GSK3B: variants seen among roughly 807,000 people sequenced by gnomAD.
GSK3B encodes glycogen synthase kinase 3 beta, also known as glycogen synthase kinase-3 beta.
GSK3B carries 15 observed loss-of-function variants against 56.4 expected under a neutral mutation model. That is an observed-to-expected ratio of 0.27 (90% CI 0.18 to 0.41). The LOEUF is 0.41. Ranked by LOEUF, GSK3B falls within the 10% of genes least tolerant of loss-of-function variation. GSK3B has a pLI of 1.00. For synonymous variants in GSK3B, 181 were observed against 188.9 expected (o/e 0.96, Z 0.34); for missense variants, 300 against 513.4 (o/e 0.58, Z 4.02).
At chr3:119,980,191 T>C (rs1222091347) in intron 2 of GSK3B, among the ~76,000 whole-genome samples, 1 of 152,200 alleles carries the variant, frequency 6.6e-6, no homozygotes, top group African/African-American at 2.4e-5. Flanking sequence ...ATCTTACTGG[T>C]ACACTAAAGT....
At chr3:119,896,591 C>A (rs1357294288) in intron 7 of GSK3B, among the ~76,000 whole-genome samples, 1 of 152,076 alleles carries the variant, frequency 6.6e-6, no homozygotes, top group Non-Finnish European at 1.5e-5. Flanking sequence ...TATGAAATAG[C>A]ATTCAGTATA....
intron 1 of GSK3B, among the ~76,000 whole-genome samples, chr3:120,083,336 C>A (rs1331335450): frequency 6.6e-6 from 1 of 151,904 alleles, no homozygotes; most frequent in Non-Finnish European, 1.5e-5. Flanking sequence ...AGCTGTACAA[C>A]GGGGCCTGGA....
At chr3:119,932,787 C>T (rs1357947027) in intron 3 of GSK3B, among the ~76,000 whole-genome samples, 2 of 151,990 alleles carry the variant, frequency 1.3e-5, no homozygotes, top group African/African-American at 4.8e-5. Context: ...TGGAAGTCAA[C>T]AAGAAAAAAC....
chr3:119,827,856 T>C (rs2055539245), intron 10 of GSK3B, among the ~76,000 whole-genome samples: 1 of 130,888 alleles, frequency 7.6e-6, no homozygotes, highest in Non-Finnish European at 1.6e-5. Context: ...GAAGTGGGGA[T>C]GGTTAATGGG....
intron 4 of GSK3B, among the ~76,000 whole-genome samples, chr3:119,917,751 C>T (rs765602948): frequency 1.1e-4 from 17 of 150,868 alleles, no homozygotes; most frequent in Non-Finnish European, 2.4e-4. Context: ...GAAAGATCTA[C>T]TCTATCTTCA....
At chr3:120,043,939 T>C (rs1357359071) in intron 1 of GSK3B, among the ~76,000 whole-genome samples, 1 of 152,192 alleles carries the variant, frequency 6.6e-6, no homozygotes. Flanking sequence ...AGGCAAACTC[T>C]AGCAATTAAA....
At chr3:119,915,165 T>C (rs889131758) in intron 5 of GSK3B, among the ~76,000 whole-genome samples, 1 of 152,008 alleles carries the variant, frequency 6.6e-6, no homozygotes, top group African/African-American at 2.4e-5. Context: ...CACAGTATAT[T>C]ACCAAGAAAT....
intron 8 of GSK3B, chr3:119,866,476 A>G: frequency 2.6e-6 from 2 of 757,904 alleles, no homozygotes; most frequent in South Asian, 1.5e-5. Context: ...AGCTACTTAC[A>G]TTGTTTACTA....
At chr3:119,857,313 C>T (rs1227821695) in intron 9 of GSK3B, among the ~76,000 whole-genome samples, 1 of 152,168 alleles carries the variant, frequency 6.6e-6, no homozygotes, top group Admixed American at 6.5e-5. Flanking sequence ...TAGCATTTTA[C>T]CCTGGTAGAA....
intron 1 of GSK3B, among the ~76,000 whole-genome samples, chr3:120,063,215 G>A (rs2058251884): frequency 6.6e-6 from 1 of 152,122 alleles, no homozygotes; most frequent in Admixed American, 6.5e-5. Context: ...TATGAATAGA[G>A]GAAAAGTGGG....
In GSK3B at chr3:120,000,918, C is replaced by CTTTTTTTTTTTTT. The variant is rs71156781; in HGVS notation, c.282+1115_282+1127dup. The stretch of plus-strand genomic sequence containing the variant: ...AAACCTCATGTTGAAATGTAATCTC[C>CTTTTTTTTTTTTT]TTTTTTTTTTTTTTTTTTTTTTTTG... On this transcript the variant is annotated intron_variant, in intron 2 of 10. Coordinates refer to ENST00000264235, the MANE Select transcript of GSK3B (RefSeq NM_001146156.2). Among the ~76,000 whole-genome samples the CTTTTTTTTTTTTT allele has an allele frequency of 2.9e-4, 26 of 91,050 alleles. 3 individuals are homozygous for CTTTTTTTTTTTTT. Among genetic ancestry groups the CTTTTTTTTTTTTT allele is most frequent in the African/African-American group, 1.1e-3 (25 of 23,304 alleles). 59.7% of individuals were successfully genotyped at this position (91,050 alleles called of 152,430 possible). A position where few individuals can be genotyped will look rare whatever the true frequency, so the allele number is the denominator to read the frequency against.
intron 5 of GSK3B, among the ~76,000 whole-genome samples, chr3:119,913,087 C>T (rs2056751172): frequency 6.6e-6 from 1 of 152,134 alleles, no homozygotes; most frequent in Non-Finnish European, 1.5e-5. Flanking sequence ...TGAATTTCTT[C>T]TGATCCTCTG....
Position 120,094,078 on chromosome 3 carries a change from C to T in GSK3B, c.-644G>A, listed in dbSNP as rs1475290376. 3 of 228,596 alleles carry T rather than the reference C, an allele frequency of 1.3e-5. No individual in the cohort carries two copies. The highest frequency in any genetic ancestry group is 2.6e-5 in the Non-Finnish European group (3 of 115,064). 14.2% of individuals were successfully genotyped at this position (228,596 alleles called of 1,614,324 possible). A position where few individuals can be genotyped will look rare whatever the true frequency, so the allele number is the denominator to read the frequency against. The stretch of plus-strand genomic sequence containing the variant: ...GCGGCGGCTCCTCTCCTCATTGCGC[C>T]AGGAGCAGCTGCAGGCGGCGGCTGG... On this transcript the variant is annotated 5_prime_UTR_variant, in exon 1 of 11. Coordinates refer to ENST00000264235, the MANE Select transcript of GSK3B (RefSeq NM_001146156.2).
At chr3:119,900,473 C>G (rs951098911) in intron 7 of GSK3B, among the ~76,000 whole-genome samples, 4 of 151,982 alleles carry the variant, frequency 2.6e-5, no homozygotes, top group African/African-American at 9.7e-5. Context: ...AAATTAAACT[C>G]TGGACTGAAA....
intron 2 of GSK3B, among the ~76,000 whole-genome samples, chr3:119,956,505 C>A (rs1030871928): frequency 6.6e-6 from 1 of 152,178 alleles, no homozygotes; most frequent in Non-Finnish European, 1.5e-5. Flanking sequence ...TCAAAATGCT[C>A]CAATGAGCAC....
intron 10 of GSK3B, among the ~76,000 whole-genome samples, chr3:119,841,842 G>A (rs1655755169): frequency 6.6e-6 from 1 of 152,166 alleles, no homozygotes; most frequent in African/African-American, 2.4e-5. Flanking sequence ...ACATGAACTA[G>A]AATGAAATGT....
At chr3:119,963,625 C>CA (rs774359104) in intron 2 of GSK3B, among the ~76,000 whole-genome samples, 27,538 of 79,432 alleles carry the variant, frequency 0.35, 3,897 homozygotes, top group East Asian at 0.48. Flanking sequence ...TTCTTCCCCA[C>CA]AAAAAAAAAA....
chr3:120,012,725 A>G (rs2057789817), intron 1 of GSK3B, among the ~76,000 whole-genome samples: 2 of 152,168 alleles, frequency 1.3e-5, no homozygotes, highest in Non-Finnish European at 2.9e-5. Flanking sequence ...GTTAGAGTGC[A>G]ATGACGTGAT....
At chr3:119,919,420 A>G (rs1384223997) in intron 4 of GSK3B, among the ~76,000 whole-genome samples, 23 of 152,036 alleles carry the variant, frequency 1.5e-4, no homozygotes, top group Admixed American at 6.6e-5. Context: ...TCAATTCCAG[A>G]CACTGTTTTT....
Sources: allele counts gnomAD v4.1 joint callset (sites outside exome capture counted in the v4.1 genomes callset), GRCh38; gene constraint gnomAD v4.1.1; transcripts MANE v1.5; gene names NCBI Gene and HGNC (gene_info 2026-07-23, HGNC 2026-07-21).